The following VANGL1 variants were observed in gnomAD, a reference collection of about 807,000 sequenced individuals.
VANGL1 encodes vang-like protein 1.
Under a neutral mutation model 48.4 loss-of-function variants are expected in VANGL1, and 18 were observed. The observed-to-expected ratio is 0.37, with a 90% CI of 0.26 to 0.55. The LOEUF is 0.55. Among genes scored for constraint, VANGL1 ranks in the 20% least tolerant of loss-of-function variants. The probability of loss-of-function intolerance (pLI) is 0.81; values close to 1 mark genes in which losing one functional copy is unlikely to be tolerated. For missense variants in VANGL1, 667 were observed against 675.8 expected (o/e 0.99, Z 0.14); for synonymous variants, 257 against 261.8 (o/e 0.98, Z 0.18).
chr1:115,646,550 C>CTTTT (rs10647324), intron 1 of VANGL1, among the ~76,000 whole-genome samples: 1 of 141,378 alleles, frequency 7.1e-6, no homozygotes, highest in African/African-American at 2.6e-5. Flanking sequence ...ATATCTGCAT[C>CTTTT]TTTTTTTTTG....
chr1:115,649,126 T>C (rs1015278464), intron 1 of VANGL1, among the ~76,000 whole-genome samples: 9 of 152,134 alleles, frequency 5.9e-5, no homozygotes, highest in African/African-American at 2.2e-4. Context: ...GACTGAGGTG[T>C]TGAAAGCTGA....
At chr1:115,645,706 A>G (rs1312183309) in intron 1 of VANGL1, among the ~76,000 whole-genome samples, 2 of 152,216 alleles carry the variant, frequency 1.3e-5, no homozygotes, top group Non-Finnish European at 2.9e-5. Flanking sequence ...CCTAAGAAGA[A>G]TGTTAGCTTC....
intron 4 of VANGL1, among the ~76,000 whole-genome samples, chr1:115,670,799 T>C (rs780913227): frequency 6.6e-5 from 10 of 152,214 alleles, no homozygotes; most frequent in Non-Finnish European, 1.3e-4. Context: ...ACTCCTGTAA[T>C]TACTTTTTAA....
chr1:115,682,028 T>C (rs1220396494), intron 4 of VANGL1, among the ~76,000 whole-genome samples: 1 of 152,258 alleles, frequency 6.6e-6, no homozygotes, highest in African/African-American at 2.4e-5. Context: ...CAGTTTCTTC[T>C]TTTGTAAACC....
intron 2 of VANGL1, among the ~76,000 whole-genome samples, chr1:115,654,064 A>C (rs1037265086): frequency 6.6e-6 from 1 of 152,122 alleles, no homozygotes; most frequent in African/African-American, 2.4e-5. Context: ...TGCCCCCCAC[A>C]GGCATGAGAG....
At chr1:115,662,640 G>C (rs572512470) in intron 3 of VANGL1, among the ~76,000 whole-genome samples, 1 of 152,142 alleles carries the variant, frequency 6.6e-6, no homozygotes, top group Non-Finnish European at 1.5e-5. Context: ...TTAGTTCCTC[G>C]TGAAAACATG....
intron 1 of VANGL1, among the ~76,000 whole-genome samples, chr1:115,647,238 A>G (rs1468849260): frequency 6.6e-6 from 1 of 152,200 alleles, no homozygotes; most frequent in African/African-American, 2.4e-5. Flanking sequence ...TCTAGGAGCC[A>G]TATTCCCACC....
Position 115,663,790 on chromosome 1 carries a change from G to A in VANGL1, c.334G>A (p.Gly112Ser). The change falls in exon 4 of 8, where the codon GGC becomes AGC. Residue 112 changes from glycine (G) to serine (S), a missense_variant. By Grantham distance (56) the Gly-to-Ser change is moderately conservative. Transcript: ENST00000355485. ...SVGLDCKRYL[G>S]LTVASFLGLL... ...GGGGCTGGATTGCAAACGCTACCTG[G>A]GCCTCACCGTCGCCTCTTTTCTTGG... The A allele has an allele frequency of 6.2e-7, 1 of 1,614,150 alleles. No individual in the cohort carries two copies. Among genetic ancestry groups the A allele is most frequent in the Middle Eastern group, 1.6e-4 (1 of 6,062 alleles).
At chr1:115,669,311 C>T (rs1216250005) in intron 4 of VANGL1, among the ~76,000 whole-genome samples, 1 of 152,124 alleles carries the variant, frequency 6.6e-6, no homozygotes, top group Non-Finnish European at 1.5e-5. Context: ...CTAATTCAGC[C>T]AGCAGGTTTT....
chr1:115,644,259 G>A (rs796367795), intron 1 of VANGL1, among the ~76,000 whole-genome samples: 39 of 152,300 alleles, frequency 2.6e-4, no homozygotes, highest in African/African-American at 8.9e-4. Flanking sequence ...TGATATTAAT[G>A]TCTTATTTTT....
At chr1:115,668,495 C>CT (rs1232822885) in intron 4 of VANGL1, among the ~76,000 whole-genome samples, 1 of 152,084 alleles carries the variant, frequency 6.6e-6, no homozygotes, top group African/African-American at 2.4e-5. Context: ...TTGGTCAGAC[C>CT]TTTTTAACTT....
At position 115,689,353 on chromosome 1, in the gene VANGL1, C is replaced by T. The variant is rs190138379; in HGVS notation, c.1315-1766C>T. Among the ~76,000 whole-genome samples, 3 of 136,108 alleles carry T rather than the reference C, an allele frequency of 2.2e-5. 1 individual carries two copies. In the East Asian group the frequency reaches 6.3e-4, roughly 28 times the overall value. 89.3% of individuals were successfully genotyped at this position (136,108 alleles called of 152,430 possible). ...GTGTGAATAAAAGAGGATACCGGGC[C>T]GGGCGCGGTGGCTCACACCTGTAAT... On this transcript the variant is annotated intron_variant, in intron 7 of 7. Transcript: ENST00000355485.
intron 7 of VANGL1, 80 bp downstream of exon 7, chr1:115,685,607 T>C: frequency 2.1e-6 from 3 of 1,406,708 alleles, no homozygotes; most frequent in East Asian, 4.8e-5. Context: ...AGCGTGTTAC[T>C]AGAAGTGATA....
chr1:115,688,210 C>G (rs1653709692), intron 7 of VANGL1, among the ~76,000 whole-genome samples: 1 of 137,668 alleles, frequency 7.3e-6, no homozygotes, highest in South Asian at 2.5e-4. Flanking sequence ...ACATACAGAT[C>G]TTACTCATAC....
At chr1:115,661,278 A>G (rs1652536081) in intron 3 of VANGL1, among the ~76,000 whole-genome samples, 1 of 152,062 alleles carries the variant, frequency 6.6e-6, no homozygotes, top group Non-Finnish European at 1.5e-5. Context: ...GTGTATCTAC[A>G]TGTTTTAGGC....
At chr1:115,657,959 C>T (rs759456985) in intron 2 of VANGL1, among the ~76,000 whole-genome samples, 7 of 152,202 alleles carry the variant, frequency 4.6e-5, no homozygotes, top group Non-Finnish European at 1.0e-4. Context: ...CTCCCAAGAA[C>T]TCACTCACTA....
chr1:115,651,172 A>G, intron 1 of VANGL1, 105 bp from the exon 2 acceptor site: 2 of 524,640 alleles, frequency 3.8e-6, no homozygotes, highest in Non-Finnish European at 6.9e-6. Flanking sequence ...CGCTTGTTCC[A>G]TGATAGAGAC....
intron 1 of VANGL1, among the ~76,000 whole-genome samples, chr1:115,649,296 C>G (rs78854751): frequency 1.3e-3 from 192 of 152,278 alleles, no homozygotes; most frequent in African/African-American, 4.1e-3. Context: ...TACCTCCCCC[C>G]ACAAACCCCC....
chr1:115,651,488 T>C lies in VANGL1; in HGVS notation c.71+4T>C. The C allele has an allele frequency of 6.2e-7, 1 of 1,608,750 alleles. No individual in the cohort carries two copies. The highest frequency in any genetic ancestry group is 8.5e-7 in the Non-Finnish European group (1 of 1,175,224). ...CGAAAAAATCTCACAGACAAGGGTA[T>C]GTAAGTTGTTCATTATTACACTTTT... On this transcript the variant is annotated splice_donor_region_variant and intron_variant, in intron 2 of 7. Transcript: ENST00000355485.
Sources: allele counts gnomAD v4.1 joint callset (sites outside exome capture counted in the v4.1 genomes callset), GRCh38; gene constraint gnomAD v4.1.1; transcripts MANE v1.5; gene names NCBI Gene and HGNC (gene_info 2026-07-23, HGNC 2026-07-21).